Variants in PLEKHA8 observed in about 807,000 individuals in gnomAD.
The protein encoded by PLEKHA8 is pleckstrin homology domain containing A8, also known as pleckstrin homology domain-containing family A member 8.
Under a neutral mutation model 68.2 loss-of-function variants are expected in PLEKHA8, and 36 were observed. The observed-to-expected ratio is 0.53, with a 90% CI of 0.40 to 0.70. The LOEUF is 0.70. Ranked by LOEUF, PLEKHA8 falls within the 30% of genes least tolerant of loss-of-function variation. PLEKHA8 has a pLI of 0.00. For missense variants in PLEKHA8, 505 were observed against 615.4 expected, an observed-to-expected ratio of 0.82 and a Z score of 1.90; for synonymous variants, 211 against 216.1, an observed-to-expected ratio of 0.98 and a Z score of 0.20.
At chr7:30,048,986 A>G (rs6952896) in intron 4 of PLEKHA8, among the ~76,000 whole-genome samples, 1 of 152,340 alleles carries the variant, frequency 6.6e-6, no homozygotes, top group East Asian at 1.9e-4. Flanking sequence ...TGTAAATTGA[A>G]CCACTTTACT....
intron 12 of PLEKHA8, among the ~76,000 whole-genome samples, chr7:30,068,967 G>C (rs1285905079): frequency 6.6e-6 from 1 of 152,022 alleles, no homozygotes; most frequent in Non-Finnish European, 1.5e-5. Context: ...AGCATTTATT[G>C]GATCACCCAT....
chr7:30,082,178 G>A lies in PLEKHA8; in HGVS notation c.*3391G>A, dbSNP rs1040505173. 1.0e-6 allele frequency: 1 copy of A among 985,090 alleles called. No individual in the cohort carries two copies. Among genetic ancestry groups the A allele is most frequent in the African/African-American group, 1.7e-5 (1 of 57,192 alleles). The allele number at this position is 985,090 out of a possible 1,614,324, so 61.0% of individuals were successfully genotyped here. On this transcript the variant is annotated 3_prime_UTR_variant, in exon 14 of 14. Coordinates refer to ENST00000449726, the MANE Select transcript of PLEKHA8 (RefSeq NM_001197026.2). ...TTGAGGCACCTTCTTATCATTTTTTGCATGTTATTCTGATTATTAAACTTC... is the reference window on the plus strand; with the variant it reads ...TTGAGGCACCTTCTTATCATTTTTTACATGTTATTCTGATTATTAAACTTC...
intron 3 of PLEKHA8, among the ~76,000 whole-genome samples, chr7:30,046,576 A>C (rs1222406278): frequency 6.6e-6 from 1 of 152,234 alleles, no homozygotes. Context: ...TTTGGAGCCA[A>C]ACACAGCTGG....
chr7:30,065,112 G>C lies in PLEKHA8; in HGVS notation c.1300+2370G>C, dbSNP rs117028439. Among the ~76,000 whole-genome samples the C allele has an allele frequency of 1.8e-3, 268 of 152,280 alleles. 3 individuals carry two copies. The East Asian group carries it at 0.031, about 18-fold the overall frequency. ...CTTGATTTGGAGACTGGGCCCAGGG[G>C]ATGTATTGACTTTGTGAAGAAAGAG... is the stretch of plus-strand genomic sequence containing the variant. On this transcript the variant is annotated intron_variant, in intron 12 of 13. Coordinates refer to ENST00000449726, the MANE Select transcript of PLEKHA8 (RefSeq NM_001197026.2).
intron 12 of PLEKHA8, among the ~76,000 whole-genome samples, chr7:30,070,010 A>G (rs2127993266): frequency 6.6e-6 from 1 of 152,304 alleles, no homozygotes; most frequent in Non-Finnish European, 1.5e-5. Context: ...GTATTTCATT[A>G]TCTAATCTTC....
chr7:30,047,993 A>G lies in PLEKHA8; in HGVS notation c.438+37A>G, dbSNP rs759011459. On this transcript the variant is annotated intron_variant, in intron 4 of 13. Transcript: ENST00000449726. ...TTTATTAATATTATTAATATACATG[A>G]ATAATATAAAAGAAGTGACTACCAG... 2.6e-6 allele frequency: 3 copies of G among 1,138,350 alleles called. No homozygotes were observed. The South Asian group carries it at 8.8e-5, about 33-fold the overall frequency. 70.5% of individuals were successfully genotyped at this position (1,138,350 alleles called of 1,614,324 possible).
At chr7:30,089,479 G>A (rs1415587427), downstream of PLEKHA8, among the ~76,000 whole-genome samples, 1 of 152,152 alleles carries the variant, frequency 6.6e-6, no homozygotes. Context: ...CATTAGGAAA[G>A]TACATAGAAC....
intron 13 of PLEKHA8, among the ~76,000 whole-genome samples, chr7:30,119,921 T>G (rs1796667749): frequency 1.3e-5 from 2 of 152,174 alleles, no homozygotes; most frequent in South Asian, 4.1e-4. Context: ...ACTCAGCTGA[T>G]ATACACAACT....
chr7:30,116,101 T>TA (rs1315306037), intron 13 of PLEKHA8: 2 of 150,744 alleles, frequency 1.3e-5, no homozygotes, highest in Non-Finnish European at 3.0e-5. Context: ...TACGTATACA[T>TA]ACGCATACAT....
intron 13 of PLEKHA8, among the ~76,000 whole-genome samples, chr7:30,107,128 G>A (rs1029074651): frequency 8.6e-5 from 13 of 152,034 alleles, no homozygotes; most frequent in South Asian, 2.1e-4. Flanking sequence ...GGGAGAAATC[G>A]CTGTCACTAC....
At chr7:30,050,847 A>C (rs1269141925) in intron 6 of PLEKHA8, 1 of 155,648 alleles carries the variant, frequency 6.4e-6, no homozygotes, top group Non-Finnish European at 1.4e-5. Context: ...TGTTGTGTTT[A>C]AAAATAAAAA....
In PLEKHA8 at chr7:30,084,420, C is replaced by T. The variant is rs1017149529; in HGVS notation, c.*5633C>T. The T allele has an allele frequency of 2.0e-6, 2 of 985,250 alleles. No individual in the cohort carries two copies. The highest frequency in any genetic ancestry group is 2.4e-6 in the Non-Finnish European group (2 of 829,842). The allele number at this position is 985,250 out of a possible 1,614,324, so 61.0% of individuals were successfully genotyped here. On this transcript the variant is annotated 3_prime_UTR_variant, in exon 14 of 14. Transcript: ENST00000449726. ...ATAAAAGTGTCAAGTGGCTTGTTAA[C>T]TTCTTAATTTAATGGACCTTTACTT...
At chr7:30,090,718 TTAAA>T (rs555715875) in exon 13 of PLEKHA8, 5 of 689,318 alleles carry the variant, frequency 7.3e-6, no homozygotes, top group Middle Eastern at 7.3e-4. Context: ...TGGTAATCTT[TTAAA>T]TAAACAGATT....
At chr7:30,046,850 T>C (rs1393078621) in intron 3 of PLEKHA8, among the ~76,000 whole-genome samples, 1 of 152,150 alleles carries the variant, frequency 6.6e-6, no homozygotes, top group African/African-American at 2.4e-5. Context: ...CCTTTTTTTC[T>C]GGGGTGGGAT....
chr7:30,079,204 T>C lies in PLEKHA8; in HGVS notation c.*417T>C. The C allele has an allele frequency of 9.9e-7, 1 of 1,005,120 alleles. No homozygotes were observed. The highest frequency in any genetic ancestry group is 1.2e-6 in the Non-Finnish European group (1 of 841,754). 62.3% of individuals were successfully genotyped at this position (1,005,120 alleles called of 1,614,324 possible). On this transcript the variant is annotated 3_prime_UTR_variant, in exon 14 of 14. Coordinates refer to ENST00000449726, the MANE Select transcript of PLEKHA8 (RefSeq NM_001197026.2). ...TGTTTCAGCCAACTTAGACTAGACA[T>C]TTGGAGGTAGTATAAGCTGCTTTGT... is the stretch of plus-strand genomic sequence containing the variant.
intron 12 of PLEKHA8, among the ~76,000 whole-genome samples, chr7:30,069,482 G>A (rs1299461849): frequency 6.6e-6 from 1 of 152,160 alleles, no homozygotes; most frequent in African/African-American, 2.4e-5. Context: ...GGACAGAATG[G>A]TTGTTCACCA....
chr7:30,050,383 C>T (rs1483417543), intron 5 of PLEKHA8, 51 bp from the exon 6 acceptor site: 27 of 1,531,772 alleles, frequency 1.8e-5, no homozygotes, highest in Non-Finnish European at 2.3e-5. Context: ...CATAAATATG[C>T]TCTGTTCAAA....
chr7:30,044,075 C>A (rs1291076514), intron 1 of PLEKHA8, among the ~76,000 whole-genome samples: 1 of 146,658 alleles, frequency 6.8e-6, no homozygotes, highest in African/African-American at 2.5e-5. Context: ...AAAAAGATCT[C>A]GGCTCACTGC....
chr7:30,047,259 G>A (rs936775800), intron 3 of PLEKHA8, among the ~76,000 whole-genome samples: 1 of 151,850 alleles, frequency 6.6e-6, no homozygotes, highest in African/African-American at 2.4e-5. Flanking sequence ...GATAATAATT[G>A]TAGCTGAGCC....
Sources: gnomAD v4.1 joint callset for allele counts (sites outside exome capture counted in the v4.1 genomes callset) on GRCh38, gnomAD v4.1.1 for gene constraint, MANE v1.5 for transcripts, NCBI Gene and HGNC (gene_info 2026-07-23, HGNC 2026-07-21) for gene names.